FOXP2: variants seen among roughly 807,000 people sequenced by gnomAD.
FOXP2 encodes forkhead box P2.
A neutral mutation model predicts 115.8 loss-of-function variants in FOXP2; 12 were observed. The ratio of observed to expected loss-of-function variants is 0.10; its 90% CI spans 0.07 to 0.17. The LOEUF (loss-of-function observed/expected upper bound fraction) is 0.17. FOXP2 is among the 10% of genes least tolerant of loss of function. FOXP2 has a pLI of 1.00. For missense variants in FOXP2, 629 were observed against 843.5 expected (o/e 0.75, Z 3.15); for synonymous variants, 328 against 297.7 (o/e 1.10, Z -1.05).
At chr7:114,515,621 C>G (rs1456921983) in intron 2 of FOXP2, among the ~76,000 whole-genome samples, 1 of 151,722 alleles carries the variant, frequency 6.6e-6, no homozygotes, top group Admixed American at 6.6e-5. Flanking sequence ...GATATTAGCC[C>G]TTTGTCAGAT....
chr7:114,196,658 C>T (rs1374604752), intron 1 of FOXP2, among the ~76,000 whole-genome samples: 2 of 152,116 alleles, frequency 1.3e-5, no homozygotes, highest in African/African-American at 4.8e-5. Context: ...CATCTGGGAA[C>T]TACTGTCAGA....
chr7:114,410,831 G>A (rs1247096262), upstream of FOXP2, among the ~76,000 whole-genome samples: 2 of 151,918 alleles, frequency 1.3e-5, no homozygotes, highest in Middle Eastern at 3.4e-3. Flanking sequence ...TAATACTGTT[G>A]GAGTGTAGGC....
chr7:114,572,135 G>T (rs748909408), intron 3 of FOXP2, among the ~76,000 whole-genome samples: 7 of 151,658 alleles, frequency 4.6e-5, no homozygotes, highest in Admixed American at 2.0e-4. Flanking sequence ...ATTAATGAAA[G>T]GATATTTATG....
chr7:114,204,618 T>C (rs1341143974), intron 1 of FOXP2, among the ~76,000 whole-genome samples: 2 of 152,138 alleles, frequency 1.3e-5, no homozygotes, highest in Admixed American at 1.3e-4. Context: ...AACAAAAAAA[T>C]AGAAATAGTG....
intron 16 of FOXP2, among the ~76,000 whole-genome samples, chr7:114,677,883 A>T (rs1807861445): frequency 1.3e-5 from 2 of 152,212 alleles, no homozygotes; most frequent in Non-Finnish European, 2.9e-5. Context: ...TTGGATAAAC[A>T]TTTATTGAAC....
intron 1 of FOXP2, among the ~76,000 whole-genome samples, chr7:114,281,517 A>G (rs1303765281): frequency 6.6e-6 from 1 of 152,134 alleles, no homozygotes; most frequent in Admixed American, 6.6e-5. Context: ...GAAGGCAGAA[A>G]CCTACAACTA....
In FOXP2 at chr7:114,258,415, G is replaced by C. The variant is rs578079286; in HGVS notation, c.-101-29604G>C. 6.6e-5 allele frequency among the ~76,000 whole-genome samples: 10 copies of C among 152,256 alleles called. No homozygotes were observed. The East Asian group carries it at 1.5e-3, about 23-fold the overall frequency. ...AATTATCTGGTGAAAAAGAAAAATA[G>C]TATTATAGGATCACCTTTTGAAAAG... On this transcript the variant is annotated intron_variant, in intron 1 of 17. Transcript: ENST00000634411.
At chr7:114,501,328 T>A (rs1797559038) in intron 2 of FOXP2, among the ~76,000 whole-genome samples, 1 of 152,192 alleles carries the variant, frequency 6.6e-6, no homozygotes. Context: ...TTTTGATACA[T>A]CTTTATCAAT....
intron 3 of FOXP2, among the ~76,000 whole-genome samples, chr7:114,609,641 T>C (rs1208317258): frequency 6.6e-6 from 1 of 152,226 alleles, no homozygotes; most frequent in East Asian, 1.9e-4. Flanking sequence ...TTTTGAGCCT[T>C]CAATTTTATG....
chr7:114,609,790 C>T (rs954389593), intron 3 of FOXP2, among the ~76,000 whole-genome samples: 4 of 152,202 alleles, frequency 2.6e-5, no homozygotes, highest in Admixed American at 2.0e-4. Flanking sequence ...TGGTTGTGTA[C>T]GTAGTCTTCA....
At chr7:114,667,694 T>A (rs1373249238) in intron 16 of FOXP2, 3 of 152,128 alleles carry the variant, frequency 2.0e-5, no homozygotes, top group Non-Finnish European at 4.4e-5. Flanking sequence ...GTGACTTAAA[T>A]ATCAAGCTAT....
intron 2 of FOXP2, among the ~76,000 whole-genome samples, chr7:114,303,742 C>A (rs1796932726): frequency 6.6e-6 from 1 of 152,014 alleles, no homozygotes; most frequent in Non-Finnish European, 1.5e-5. Flanking sequence ...TAACTCATTT[C>A]TTTACAGTTT....
At chr7:114,403,047 C>T (rs544759926) in intron 2 of FOXP2, among the ~76,000 whole-genome samples, 72 of 152,224 alleles carry the variant, frequency 4.7e-4, no homozygotes, top group Middle Eastern at 6.8e-3. Flanking sequence ...ATCTCAAGTC[C>T]TTGGGGGATG....
intron 1 of FOXP2, among the ~76,000 whole-genome samples, chr7:114,178,489 G>T (rs1285760278): frequency 1.3e-5 from 2 of 151,842 alleles, no homozygotes; most frequent in Non-Finnish European, 2.9e-5. Context: ...TAAGCAAAAT[G>T]GTGACATGAG....
At chr7:114,425,865 A>T (rs1467310569) in intron 1 of FOXP2, among the ~76,000 whole-genome samples, 1 of 151,656 alleles carries the variant, frequency 6.6e-6, no homozygotes, top group African/African-American at 2.4e-5. Context: ...CTGTTTGATT[A>T]AAAAAATAGG....
intron 1 of FOXP2, among the ~76,000 whole-genome samples, chr7:114,154,373 AT>A (rs952662571): frequency 4.0e-5 from 6 of 151,834 alleles, no homozygotes; most frequent in Non-Finnish European, 8.8e-5. Context: ...TTGCTCTGAG[AT>A]TTTTTTCCAC....
At chr7:114,286,277 T>C (rs922528354) in intron 1 of FOXP2, among the ~76,000 whole-genome samples, 5 of 152,024 alleles carry the variant, frequency 3.3e-5, no homozygotes, top group African/African-American at 1.2e-4. Flanking sequence ...TTTTAGTACA[T>C]GTTAATATTT....
chr7:114,688,352 G>A (rs530898681), intron 16 of FOXP2, among the ~76,000 whole-genome samples: 30 of 149,620 alleles, frequency 2.0e-4, no homozygotes, highest in Non-Finnish European at 4.0e-4. Context: ...AAAGGCTAAA[G>A]CAAAACAAAA....
intron 2 of FOXP2, among the ~76,000 whole-genome samples, chr7:114,400,628 C>T (rs1038376007): frequency 6.6e-6 from 1 of 152,082 alleles, no homozygotes. Flanking sequence ...GGGGGAATGG[C>T]TTCTGGATGA....
Sources: allele counts gnomAD v4.1 joint callset (sites outside exome capture counted in the v4.1 genomes callset), GRCh38; gene constraint gnomAD v4.1.1; transcripts MANE v1.5; gene names NCBI Gene and HGNC (gene_info 2026-07-23, HGNC 2026-07-21).